RERG: variants seen among roughly 807,000 people sequenced by gnomAD.
RERG encodes ras-related and estrogen-regulated growth inhibitor.
Under a neutral mutation model 23.2 loss-of-function variants are expected in RERG, and 25 were observed. The ratio of observed to expected loss-of-function variants is 1.08; its 90% CI spans 0.79 to 1.50. RERG has a LOEUF of 1.50. Among genes scored for constraint, RERG ranks in the 40% most tolerant of loss-of-function variants. The pLI is 0.00. For synonymous variants in RERG, 81 were observed against 89.1 expected, an observed-to-expected ratio of 0.91 and a Z score of 0.51; for missense variants, 253 against 250.1, an observed-to-expected ratio of 1.01 and a Z score of -0.08.
chr12:15,218,588 T>C (rs577399094), intron 1 of RERG, among the ~76,000 whole-genome samples: 3 of 152,152 alleles, frequency 2.0e-5, no homozygotes, highest in Non-Finnish European at 2.9e-5. Context: ...GGAGGAACTA[T>C]CTTTCTAATA....
chr12:15,121,235 T>G, intron 2 of RERG, 116 bp from the exon 3 acceptor site: 2 of 713,254 alleles, frequency 2.8e-6, no homozygotes, highest in Non-Finnish European at 4.7e-6. Context: ...TATATTTCCT[T>G]GATATATAAA....
Position 15,217,497 on chromosome 12 carries a change from G to A in RERG, c.-8C>T, listed in dbSNP as rs754654777. 1.2e-6 allele frequency: 2 copies of A among 1,606,624 alleles called. No individual in the cohort carries two copies. The highest frequency in any genetic ancestry group is 1.7e-6 in the Non-Finnish European group (2 of 1,173,158). On this transcript the variant is annotated 5_prime_UTR_variant, in exon 2 of 5. Transcript: ENST00000256953. ...CTCCGCACTTTTAGCCATGATGGGT[G>A]TTGGTAGACAATTTACTGTTGTTAA... is the stretch of plus-strand genomic sequence containing the variant.
At chr12:15,171,109 C>A (rs1864771959) in intron 2 of RERG, among the ~76,000 whole-genome samples, 2 of 152,246 alleles carry the variant, frequency 1.3e-5, no homozygotes, top group Non-Finnish European at 2.9e-5. Context: ...TGCGATGCCA[C>A]TGTCTTCCTT....
At chr12:15,153,304 C>T (rs1195141820) in intron 2 of RERG, among the ~76,000 whole-genome samples, 1 of 152,150 alleles carries the variant, frequency 6.6e-6, no homozygotes, top group Non-Finnish European at 1.5e-5. Context: ...GAGAACACAG[C>T]TAACCATTGT....
At position 15,139,807 on chromosome 12, in the gene RERG, C is replaced by G. The variant is rs181595653; in HGVS notation, c.62-18688G>C. Reference sequence around the variant, plus strand: ...TTCCCAATCTGCGTATCTTTATTTCCTTTTCCTGTCTGATTACACTAGTTA... The same window carrying G: ...TTCCCAATCTGCGTATCTTTATTTCGTTTTCCTGTCTGATTACACTAGTTA... On this transcript the variant is annotated intron_variant, in intron 2 of 4. Coordinates refer to ENST00000256953, the MANE Select transcript of RERG (RefSeq NM_032918.3). Among the ~76,000 whole-genome samples, 3 of 152,086 alleles carry G rather than the reference C, an allele frequency of 2.0e-5. No homozygotes were observed. In the East Asian group the frequency reaches 5.8e-4, roughly 29 times the overall value.
chr12:15,149,199 C>T (rs949652475), intron 2 of RERG, among the ~76,000 whole-genome samples: 1 of 152,012 alleles, frequency 6.6e-6, no homozygotes, highest in Non-Finnish European at 1.5e-5. Flanking sequence ...TGTTCAATAT[C>T]TAATAGTGAC....
At chr12:15,118,922 C>A (rs1484206747) in intron 3 of RERG, among the ~76,000 whole-genome samples, 1 of 152,178 alleles carries the variant, frequency 6.6e-6, no homozygotes, top group African/African-American at 2.4e-5. Flanking sequence ...TGGACTAATG[C>A]AGTAGCCATG....
At chr12:15,126,033 G>T (rs1461826724) in intron 2 of RERG, among the ~76,000 whole-genome samples, 6 of 150,048 alleles carry the variant, frequency 4.0e-5, no homozygotes, top group African/African-American at 1.5e-4. Flanking sequence ...ACAGATGAGG[G>T]CTTTGCTACC....
At chr12:15,138,740 T>C (rs776184957) in intron 2 of RERG, among the ~76,000 whole-genome samples, 1 of 152,024 alleles carries the variant, frequency 6.6e-6, no homozygotes, top group Admixed American at 6.6e-5. Flanking sequence ...GCTTTGTGAA[T>C]AACTTTCTAA....
chr12:15,182,775 C>A (rs1565530728), intron 2 of RERG, among the ~76,000 whole-genome samples: 1 of 152,046 alleles, frequency 6.6e-6, no homozygotes, highest in Non-Finnish European at 1.5e-5. Flanking sequence ...CAGACATTAT[C>A]TAACTAAGAA....
intron 2 of RERG, among the ~76,000 whole-genome samples, chr12:15,179,868 G>A (rs1864901054): frequency 6.6e-6 from 1 of 152,182 alleles, no homozygotes. Context: ...AGCTTCAAAA[G>A]ATCACAGCTG....
intron 2 of RERG, among the ~76,000 whole-genome samples, chr12:15,190,682 C>T (rs530165627): frequency 1.1e-4 from 16 of 152,026 alleles, no homozygotes; most frequent in South Asian, 2.1e-4. Flanking sequence ...TGATAATGGA[C>T]GGAGCCAAAG....
intron 2 of RERG, among the ~76,000 whole-genome samples, chr12:15,202,805 G>A (rs1865235758): frequency 6.6e-6 from 1 of 151,582 alleles, no homozygotes; most frequent in South Asian, 2.1e-4. Context: ...TTTCTTTTGG[G>A]CATATATCCA....
intron 4 of RERG, chr12:15,111,073 G>C: frequency 3.7e-6 from 1 of 273,060 alleles, no homozygotes; most frequent in Non-Finnish European, 6.8e-6. Context: ...ATCTTGCTAT[G>C]CCACAAAATA....
chr12:15,154,841 T>TA (rs80307179), intron 2 of RERG, among the ~76,000 whole-genome samples: 50,829 of 152,038 alleles, frequency 0.33, 8,527 homozygotes, highest in Middle Eastern at 0.48. Flanking sequence ...AAAAATGTAT[T>TA]AAACTTTAAA....
In RERG at chr12:15,142,972, G is replaced by A. The variant is rs1275683347; in HGVS notation, c.62-21853C>T. 2.6e-5 allele frequency among the ~76,000 whole-genome samples: 4 copies of A among 152,280 alleles called. No homozygotes were observed. The East Asian group carries it at 7.7e-4, about 29-fold the overall frequency. On this transcript the variant is annotated intron_variant, in intron 2 of 4. Coordinates refer to ENST00000256953, the MANE Select transcript of RERG (RefSeq NM_032918.3). ...GTAGAAAAGCAAATCGCACCACAGGGAGGAGTACATTTGGAGACAAAAAGA... is the reference window on the plus strand; with the variant it reads ...GTAGAAAAGCAAATCGCACCACAGGAAGGAGTACATTTGGAGACAAAAAGA...
intron 2 of RERG, among the ~76,000 whole-genome samples, chr12:15,147,990 T>A (rs1342921019): frequency 6.6e-6 from 1 of 152,190 alleles, no homozygotes; most frequent in Non-Finnish European, 1.5e-5. Flanking sequence ...AAGAAAACAC[T>A]GCAAATTTGA....
rs1863823558 is a variant in RERG, at chr12:15,121,112, T to C, written c.69A>G (p.Val23=). ...GRAGVGKSAL[V]VRFLTKRFIW... ...TGAACCGTTTGGTCAGAAATCTCACTACAAGAGCTGTGGAAGAAAAGAGCA... is the reference window on the plus strand; with the variant it reads ...TGAACCGTTTGGTCAGAAATCTCACCACAAGAGCTGTGGAAGAAAAGAGCA... Residue 23 remains valine (V), a synonymous_variant, in exon 3 of 5, where the codon GTA becomes GTG. Transcript: ENST00000256953. The C allele has an allele frequency of 6.2e-7, 1 of 1,612,806 alleles. No individual in the cohort carries two copies. The highest frequency in any genetic ancestry group is 2.2e-5 in the East Asian group (1 of 44,862).
intron 2 of RERG, among the ~76,000 whole-genome samples, chr12:15,203,845 A>G (rs1411263427): frequency 1.3e-5 from 2 of 151,778 alleles, no homozygotes; most frequent in African/African-American, 2.4e-5. Flanking sequence ...AAACTTGGGG[A>G]AAACTTAAAA....
Sources: gnomAD v4.1 joint callset for allele counts (sites outside exome capture counted in the v4.1 genomes callset) on GRCh38, gnomAD v4.1.1 for gene constraint, MANE v1.5 for transcripts, NCBI Gene and HGNC (gene_info 2026-07-23, HGNC 2026-07-21) for gene names.